Variants in SCAPER observed in about 807,000 individuals in gnomAD.
SCAPER encodes the protein S-phase cyclin A associated protein in the ER, also known as S phase cyclin A-associated protein in the endoplasmic reticulum.
SCAPER carries 98 observed loss-of-function variants against 182.2 expected under a neutral mutation model. That is an observed-to-expected ratio of 0.54 (90% CI 0.46 to 0.64). SCAPER has a LOEUF of 0.64. Ranked by LOEUF, SCAPER falls within the 30% of genes least tolerant of loss-of-function variation. The pLI, the probability that SCAPER is intolerant of heterozygous loss-of-function variation, is 0.00. For missense variants in SCAPER, 1,432 were observed against 1,690.0 expected, an observed-to-expected ratio of 0.85 and a Z score of 2.68; for synonymous variants, 605 against 564.6, an observed-to-expected ratio of 1.07 and a Z score of -1.01.
chr15:76,858,224 A>G (rs1278689816), intron 3 of SCAPER, among the ~76,000 whole-genome samples: 1 of 152,210 alleles, frequency 6.6e-6, no homozygotes, highest in African/African-American at 2.4e-5. Context: ...TTGTATATAA[A>G]TCTGGAAATA....
At chr15:76,762,678 C>T (rs750227840) in intron 14 of SCAPER, among the ~76,000 whole-genome samples, 32 of 152,150 alleles carry the variant, frequency 2.1e-4, no homozygotes, top group South Asian at 1.0e-3. Context: ...TAACAGGATG[C>T]GGCTCTATTT....
chr15:76,470,248 C>T (rs748923634), intron 25 of SCAPER, among the ~76,000 whole-genome samples: 3 of 152,102 alleles, frequency 2.0e-5, no homozygotes, highest in African/African-American at 2.4e-5. Flanking sequence ...CTGTCCTCAT[C>T]GATTTTATGG....
At chr15:76,634,837 T>C (rs1458123040) in intron 21 of SCAPER, among the ~76,000 whole-genome samples, 3 of 146,160 alleles carry the variant, frequency 2.1e-5, no homozygotes, top group Admixed American at 6.9e-5. Context: ...CACAGTAAAA[T>C]TGGGTGTGGG....
At chr15:76,756,620 C>A (rs1053948893) in intron 14 of SCAPER, among the ~76,000 whole-genome samples, 1 of 151,988 alleles carries the variant, frequency 6.6e-6, no homozygotes, top group African/African-American at 2.4e-5. Flanking sequence ...TTCCTGGTTG[C>A]CTTTTTCACA....
At chr15:76,435,806 T>C (rs1401701057) in intron 25 of SCAPER, among the ~76,000 whole-genome samples, 1 of 152,224 alleles carries the variant, frequency 6.6e-6, no homozygotes, top group African/African-American at 2.4e-5. Flanking sequence ...TGCTCCATTG[T>C]TTTCCACTTC....
Position 76,353,949 on chromosome 15 carries a change from C to A in SCAPER, c.4047G>T (p.Gln1349His). 1.3e-6 allele frequency: 2 copies of A among 1,559,328 alleles called. No homozygotes were observed. Among genetic ancestry groups the A allele is most frequent in the Non-Finnish European group, 1.7e-6 (2 of 1,158,752 alleles). Residue 1349 changes from glutamine (Q) to histidine (H), a missense_variant and splice_region_variant, in exon 30 of 32, where the codon CAG (glutamine) becomes CAT (histidine). Gln to His is a conservative substitution (Grantham distance 24). Around this residue, in one of 5 missense-constraint regions of SCAPER, gnomAD observed 718 missense variants for 799.7 expected, o/e 0.90. Coordinates refer to ENST00000563290, the MANE Select transcript of SCAPER (RefSeq NM_020843.4). ...CAATTACGTATAATGTAGAAGGTAC[C>A]TGAATGAAAGTGGCCAGTAAAACAC... is the stretch of plus-strand genomic sequence containing the variant. The part of the protein sequence containing the change: ...MSCVLLATFI[Q>H]DLAQTPGQAE...
chr15:76,388,392 G>C (rs1198558899), intron 27 of SCAPER, among the ~76,000 whole-genome samples: 1 of 151,934 alleles, frequency 6.6e-6, no homozygotes, highest in East Asian at 1.9e-4. Context: ...GGAGTTCAAG[G>C]CTGCAGTGAG....
intron 21 of SCAPER, among the ~76,000 whole-genome samples, chr15:76,638,694 A>G (rs890478517): frequency 2.0e-5 from 3 of 152,342 alleles, no homozygotes; most frequent in East Asian, 1.9e-4. Flanking sequence ...GTTCCAATAA[A>G]TACAAAATGA....
intron 26 of SCAPER, among the ~76,000 whole-genome samples, chr15:76,417,578 G>A (rs1392266687): frequency 1.3e-5 from 2 of 152,230 alleles, no homozygotes; most frequent in Non-Finnish European, 2.9e-5. Flanking sequence ...TGGGTGGACA[G>A]ATAATGTATT....
chr15:76,854,288 AG>A (rs2071095904), intron 4 of SCAPER, among the ~76,000 whole-genome samples: 2 of 152,082 alleles, frequency 1.3e-5, no homozygotes, highest in South Asian at 4.2e-4. Context: ...AAAACAAAAA[AG>A]TCATTAGCAT....
chr15:76,490,609 G>A (rs1386463374), intron 24 of SCAPER, among the ~76,000 whole-genome samples: 1 of 151,948 alleles, frequency 6.6e-6, no homozygotes, highest in Non-Finnish European at 1.5e-5. Flanking sequence ...TCATTCTATT[G>A]TTTCCTTTGA....
intron 26 of SCAPER, among the ~76,000 whole-genome samples, chr15:76,428,452 A>G (rs2046592576): frequency 2.0e-5 from 3 of 152,180 alleles, no homozygotes; most frequent in Admixed American, 6.5e-5. Flanking sequence ...TTTTTACAAC[A>G]TGGATGGACT....
At chr15:76,583,754 CA>C (rs1293134269) in intron 22 of SCAPER, among the ~76,000 whole-genome samples, 1 of 152,050 alleles carries the variant, frequency 6.6e-6, no homozygotes, top group Non-Finnish European at 1.5e-5. Context: ...GGCTTTTACC[CA>C]AAAGGCAATA....
At chr15:76,505,821 T>C (rs1407794837) in intron 23 of SCAPER, among the ~76,000 whole-genome samples, 1 of 152,146 alleles carries the variant, frequency 6.6e-6, no homozygotes, top group East Asian at 1.9e-4. Flanking sequence ...ATTCACAATA[T>C]AGCCAAGAAC....
intron 22 of SCAPER, among the ~76,000 whole-genome samples, chr15:76,620,856 G>A (rs950302561): frequency 2.0e-5 from 3 of 152,068 alleles, no homozygotes; most frequent in Non-Finnish European, 4.4e-5. Flanking sequence ...CCTGTCGAGG[G>A]GGGACAAGAG....
intron 15 of SCAPER, among the ~76,000 whole-genome samples, chr15:76,752,967 G>A (rs1011298661): frequency 2.6e-5 from 4 of 151,770 alleles, no homozygotes; most frequent in African/African-American, 9.7e-5. Context: ...ATGTGTAACT[G>A]TGTCAAGTGC....
chr15:76,848,467 G>A (rs1185931006), intron 4 of SCAPER, among the ~76,000 whole-genome samples: 1 of 151,816 alleles, frequency 6.6e-6, no homozygotes, highest in Non-Finnish European at 1.5e-5. Flanking sequence ...CCAAGTAGCT[G>A]GGACTACAGG....
intron 23 of SCAPER, among the ~76,000 whole-genome samples, chr15:76,515,270 G>A (rs562253440): frequency 4.6e-5 from 7 of 152,332 alleles, no homozygotes; most frequent in African/African-American, 1.7e-4. Context: ...GAAGGAAAGA[G>A]CAGAGTGAGT....
At chr15:76,404,173 C>T (rs962409512) in intron 27 of SCAPER, among the ~76,000 whole-genome samples, 3 of 151,774 alleles carry the variant, frequency 2.0e-5, no homozygotes, top group Admixed American at 6.5e-5. Context: ...GTAGGGCTGA[C>T]GGCTTGGCTT....
Sources: gnomAD v4.1 joint callset for allele counts (sites outside exome capture counted in the v4.1 genomes callset) on GRCh38, gnomAD v4.1.1 for gene constraint, gnomAD v4.1.1 regional missense constraint, MANE v1.5 for transcripts, NCBI Gene and HGNC (gene_info 2026-07-23, HGNC 2026-07-21) for gene names.